PSG9: variants seen among roughly 807,000 people sequenced by gnomAD.
PSG9 encodes pregnancy-specific beta-1-glycoprotein 9.
In PSG9, 49 loss-of-function variants were observed where a neutral mutation model predicts 41.9. That is an observed-to-expected ratio of 1.17 (90% confidence interval 0.93 to 1.48). PSG9 has a LOEUF of 1.48. PSG9 is among the 40% of genes most tolerant of loss of function. PSG9 has a pLI of 0.00. For synonymous variants in PSG9, 263 were observed against 196.8 expected (o/e 1.34, Z -2.82); for missense variants, 641 against 520.3 (o/e 1.23, Z -2.26).
intron 5 of PSG9, 162 bp downstream of exon 5, chr19:43,258,040 G>C (rs1407950355): frequency 6.4e-7 from 1 of 1,572,638 alleles, no homozygotes; most frequent in African/African-American, 1.4e-5. Flanking sequence ...AAGGAGAAGA[G>C]AGTCTGTAGA....
At chr19:43,262,784 C>T (rs181354104) in intron 2 of PSG9, among the ~76,000 whole-genome samples, 16 of 152,140 alleles carry the variant, frequency 1.1e-4, no homozygotes, top group Admixed American at 3.3e-4. Flanking sequence ...TGACCTCTAA[C>T]GATAGAGCAG....
Position 43,261,918 on chromosome 19 carries a change from A to C in PSG9, c.651T>G (p.Cys217Trp), listed in dbSNP as rs763983830. Residue 217 changes from cysteine (C) to tryptophan (W), a missense_variant, in exon 3 of 6, where the codon TGT (cysteine) becomes TGG (tryptophan). Transcript: ENST00000270077. ...VTKYIAGPYE[C>W]EIRNPVSASR... ...TGGCACTCACTGGGTTCCGTATTTC[A>C]CATTCATAGGGTCCTGCAATATACT... is the stretch of plus-strand genomic sequence containing the variant. The C allele has an allele frequency of 2.1e-5, 34 of 1,614,066 alleles. No homozygotes were observed. The highest frequency in any genetic ancestry group is 1.5e-4 in the South Asian group (14 of 91,072).
Position 43,261,919 on chromosome 19 carries a change from C to G in PSG9, c.650G>C (p.Cys217Ser), listed in dbSNP as rs1968735296. The change falls in exon 3 of 6, where the codon TGT becomes TCT. Residue 217 changes from cysteine (C) to serine (S), a missense_variant. By Grantham distance (112) the Cys-to-Ser change is moderately radical. Coordinates refer to ENST00000270077, the MANE Select transcript of PSG9 (RefSeq NM_002784.5). ...VTKYIAGPYE[C>S]EIRNPVSASR... Reference sequence around the variant, plus strand: ...GGCACTCACTGGGTTCCGTATTTCACATTCATAGGGTCCTGCAATATACTT... The same window carrying G: ...GGCACTCACTGGGTTCCGTATTTCAGATTCATAGGGTCCTGCAATATACTT... 6.2e-7 allele frequency: 1 copy of G among 1,614,072 alleles called. No homozygotes were observed. Among genetic ancestry groups the G allele is most frequent in the Non-Finnish European group, 8.5e-7 (1 of 1,179,940 alleles).
At position 43,269,413 on chromosome 19, in the gene PSG9, G is replaced by C. The variant is rs530590607; in HGVS notation, c.19C>G (p.Pro7Ala). 1.9e-6 allele frequency: 3 copies of C among 1,613,690 alleles called. No homozygotes were observed. The highest frequency in any genetic ancestry group is 1.1e-5 in the South Asian group (1 of 91,064). The part of the protein sequence containing the change: MGPLPA[P>A]SCTQRITWKG... ...CAGGTGATGCGCTGTGTGCAGGAAG[G>C]GGCTGGGAGGGGCCCCATGGTCTCT... is the stretch of plus-strand genomic sequence containing the variant. Residue 7 changes from proline (P) to alanine (A), a missense_variant, in exon 1 of 6, where the codon CCT becomes GCT. Physicochemically the swap from Pro to Ala is conservative, Grantham distance 27. Coordinates refer to ENST00000270077, the MANE Select transcript of PSG9 (RefSeq NM_002784.5).
chr19:43,262,185 T>A, intron 2 of PSG9, 47 bp from the exon 3 acceptor site: 1 of 1,584,668 alleles, frequency 6.3e-7, no homozygotes, highest in Non-Finnish European at 8.6e-7. Context: ...CACCTTTGAT[T>A]CCTCCAAAGG....
intron 5 of PSG9, among the ~76,000 whole-genome samples, chr19:43,254,905 T>G (rs1274897793): frequency 7.2e-6 from 1 of 138,578 alleles, no homozygotes; most frequent in Non-Finnish European, 1.5e-5. Context: ...ATAGGTAACC[T>G]GGGGAGATGC....
Position 43,269,506 on chromosome 19 carries a change from G to C in PSG9, c.-75C>G. On this transcript the variant is annotated 5_prime_UTR_variant, in exon 1 of 6. Transcript: ENST00000270077. ...AGAAGCTGTCTGAGCACGGCTGTCA[G>C]CTGTGCTGTCCTTCCTCCTTCTGTG... The C allele has an allele frequency of 1.3e-6, 2 of 1,592,594 alleles. No homozygotes were observed. Among genetic ancestry groups the C allele is most frequent in the Admixed American group, 3.4e-5 (2 of 59,052 alleles).
rs1401008945 is a variant in PSG9, at chr19:43,269,393, G to A, written c.39C>T (p.Ile13=). Reference sequence around the variant, plus strand: ...CTGTGAGCAGGAGCCCCTTCCAGGTGATGCGCTGTGTGCAGGAAGGGGCTG... The same window carrying A: ...CTGTGAGCAGGAGCCCCTTCCAGGTAATGCGCTGTGTGCAGGAAGGGGCTG... The part of the protein sequence containing the change: ...PLPAPSCTQR[I]TWKGLLLTAS... Residue 13 remains isoleucine, a synonymous_variant, in exon 1 of 6, where the codon ATC becomes ATT. Transcript: ENST00000270077. 2.5e-6 allele frequency: 4 copies of A among 1,613,546 alleles called. No individual in the cohort carries two copies. In the African/African-American group the frequency reaches 4.0e-5, roughly 16 times the overall value.
chr19:43,265,773 G>A (rs1240357810), intron 2 of PSG9, among the ~76,000 whole-genome samples: 1 of 152,148 alleles, frequency 6.6e-6, no homozygotes, highest in Non-Finnish European at 1.5e-5. Context: ...TGGAGGAACT[G>A]CCTATCCCTG....
intron 3 of PSG9, among the ~76,000 whole-genome samples, 180 bp downstream of exon 3, chr19:43,261,680 C>T (rs1968720332): frequency 6.6e-6 from 1 of 152,100 alleles, no homozygotes; most frequent in South Asian, 2.1e-4. Flanking sequence ...CCTCTTTTCT[C>T]CCATTGTTGA....
rs567925071 is a variant in PSG9 at position 43,255,486 on chromosome 19, C to A, written c.1244-1840G>T. 1.4e-5 allele frequency among the ~76,000 whole-genome samples: 2 copies of A among 145,744 alleles called. 1 individual carries two copies. Among genetic ancestry groups the A allele is most frequent in the Non-Finnish European group, 3.0e-5 (2 of 67,258 alleles). On this transcript the variant is annotated intron_variant, in intron 5 of 5. Transcript: ENST00000270077. ...GCCTGCTTTTGACACTTTTATTCAA[C>A]GTAGTATTGAAAGGTCTAGTCAGAA...
At position 43,269,522 on chromosome 19, in the gene PSG9, T is replaced by A; in HGVS notation, c.-91A>T. On this transcript the variant is annotated 5_prime_UTR_variant, in exon 1 of 6. Coordinates refer to ENST00000270077, the MANE Select transcript of PSG9 (RefSeq NM_002784.5). ...CGGCTGTCAGCTGTGCTGTCCTTCCTCCTTCTGTGCTGAGCCTCTTCCCGG... is the reference window on the plus strand; with the variant it reads ...CGGCTGTCAGCTGTGCTGTCCTTCCACCTTCTGTGCTGAGCCTCTTCCCGG... The A allele has an allele frequency of 9.6e-6, 15 of 1,569,360 alleles. No homozygotes were observed. Among genetic ancestry groups the A allele is most frequent in the Non-Finnish European group, 1.3e-5 (15 of 1,148,080 alleles).
chr19:43,268,215 T>C, intron 1 of PSG9, 66 bp from the exon 2 acceptor site: 1 of 1,502,480 alleles, frequency 6.7e-7, no homozygotes, highest in East Asian at 2.3e-5. Flanking sequence ...GATGGGGCCC[T>C]GGGTCCTGAG....
Position 43,259,069 on chromosome 19 carries a change from G to C in PSG9, c.776C>G (p.Ala259Gly), listed in dbSNP as rs768102144. 6.3e-7 allele frequency: 1 copy of C among 1,590,386 alleles called. No individual in the cohort carries two copies. The highest frequency in any genetic ancestry group is 1.7e-5 in the Admixed American group (1 of 58,634). Residue 259 changes from alanine to glycine, a missense_variant, in exon 4 of 6, where the codon GCC (alanine) becomes GGC (glycine). By Grantham distance (60) the Ala-to-Gly change is moderately conservative. Transcript: ENST00000270077. ...LNPRENKDVL[A>G]FTCEPKSENY... ...CTCACTCTTAGGTTCACAGGTGAAG[G>C]CTAAGACATCCTTATTCTCCCTGGG...
At chr19:43,264,018 T>C (rs1399271897) in intron 2 of PSG9, among the ~76,000 whole-genome samples, 16 of 152,154 alleles carry the variant, frequency 1.1e-4, no homozygotes, top group Admixed American at 1.0e-3. Flanking sequence ...GAAACACCAC[T>C]AAAATTTAAG....
intron 5 of PSG9, chr19:43,257,506 C>A: frequency 5.1e-6 from 5 of 977,920 alleles, no homozygotes; most frequent in South Asian, 4.8e-5. Flanking sequence ...AAGCCTCATA[C>A]AGCTGGTGAC....
At chr19:43,269,088 T>C (rs1969124295) in intron 1 of PSG9, among the ~76,000 whole-genome samples, 1 of 152,038 alleles carries the variant, frequency 6.6e-6, no homozygotes, top group Non-Finnish European at 1.5e-5. Context: ...AGCTGCAACT[T>C]CTGCCTCCCG....
chr19:43,254,562 C>A (rs1380388537), intron 5 of PSG9, among the ~76,000 whole-genome samples: 1 of 145,846 alleles, frequency 6.9e-6, no homozygotes, highest in African/African-American at 2.6e-5. Context: ...CTCAGGTCAA[C>A]AACCTACTTT....
chr19:43,266,553 G>A (rs199657535), intron 2 of PSG9, among the ~76,000 whole-genome samples: 13 of 152,066 alleles, frequency 8.5e-5, no homozygotes, highest in Middle Eastern at 3.4e-3. Flanking sequence ...AGGATTTCAC[G>A]TTCAGTGATG....
Sources: gnomAD v4.1 joint callset for allele counts (sites outside exome capture counted in the v4.1 genomes callset) on GRCh38, gnomAD v4.1.1 for gene constraint, MANE v1.5 for transcripts, NCBI Gene and HGNC (gene_info 2026-07-23, HGNC 2026-07-21) for gene names.